Variants in UNC13C observed in about 807,000 individuals in gnomAD.
The protein encoded by UNC13C is protein unc-13 homolog C.
Under a neutral mutation model 245.4 loss-of-function variants are expected in UNC13C, and 174 were observed. The ratio of observed to expected loss-of-function variants is 0.71; its 90% CI spans 0.63 to 0.80. The LOEUF (loss-of-function observed/expected upper bound fraction) is 0.80, where lower values mean the gene tolerates loss of function less well. Among genes scored for constraint, UNC13C ranks in the 30% least tolerant of loss-of-function variants. UNC13C has a pLI of 0.00. For synonymous variants in UNC13C, 992 were observed against 895.1 expected (o/e 1.11, Z -1.93); for missense variants, 2,829 against 2,602.9 (o/e 1.09, Z -1.89).
At chr15:54,325,547 C>G (rs2038278084) in intron 14 of UNC13C, among the ~76,000 whole-genome samples, 1 of 152,016 alleles carries the variant, frequency 6.6e-6, no homozygotes, top group African/African-American at 2.4e-5. Flanking sequence ...TCTCCTAATG[C>G]TATCCCTCCC....
In UNC13C at chr15:54,434,200, T is replaced by C. The variant is rs140644656; in HGVS notation, c.4933+19133T>C. On this transcript the variant is annotated intron_variant, in intron 19 of 32. Coordinates refer to ENST00000260323, the MANE Select transcript of UNC13C (RefSeq NM_001080534.3). Reference sequence around the variant, plus strand: ...TCAATGCTATCCCCATCAGCTACCATTGACTTTCTTCACAGAATTCGAAAA... The same window carrying C: ...TCAATGCTATCCCCATCAGCTACCACTGACTTTCTTCACAGAATTCGAAAA... Among the ~76,000 whole-genome samples the C allele has an allele frequency of 1.1e-4, 17 of 152,106 alleles. No individual in the cohort carries two copies. The East Asian group carries it at 2.1e-3, about 19-fold the overall frequency.
At chr15:54,293,224 A>G (rs375434928) in intron 10 of UNC13C, among the ~76,000 whole-genome samples, 2 of 151,934 alleles carry the variant, frequency 1.3e-5, no homozygotes, top group African/African-American at 4.8e-5. Flanking sequence ...TTAACAGGCA[A>G]AGAAGCCTAG....
intron 2 of UNC13C, among the ~76,000 whole-genome samples, chr15:54,135,724 C>T (rs2031693216): frequency 6.6e-6 from 1 of 152,094 alleles, no homozygotes; most frequent in African/African-American, 2.4e-5. Flanking sequence ...AGCTTGAAAT[C>T]GGGACAAATC....
In UNC13C at chr15:54,015,540, T is replaced by A; in HGVS notation, c.2637T>A (p.Val879=). ...EPVADNETDY[V]EVMEQVLAKL... ...TGGCTGACAATGAAACAGATTATGT[T>A]GAAGTCATGGAACAAGTCCTTGCTA... is the stretch of plus-strand genomic sequence containing the variant. The change falls in exon 2 of 33, where the codon GTT becomes GTA. Residue 879 remains valine (V), a synonymous_variant. Transcript: ENST00000260323. 1 of 1,613,620 alleles carries A rather than the reference T, an allele frequency of 6.2e-7. No individual in the cohort carries two copies. The highest frequency in any genetic ancestry group is 8.5e-7 in the Non-Finnish European group (1 of 1,179,672).
Position 54,553,657 on chromosome 15 carries a change from A to T in UNC13C, c.5878-1775A>T, listed in dbSNP as rs369710319. Among the ~76,000 whole-genome samples the T allele has an allele frequency of 4.6e-5, 7 of 151,298 alleles. No individual in the cohort carries two copies. The South Asian group carries it at 6.2e-4, about 13-fold the overall frequency. On this transcript the variant is annotated intron_variant, in intron 28 of 32. Coordinates refer to ENST00000260323, the MANE Select transcript of UNC13C (RefSeq NM_001080534.3). ...ACACCTGAGACTCTGAGTTTACTGC[A>T]TGCTTTTTACTTGGGCAATAACTCA...
chr15:54,055,157 ATAAT>A (rs1897453916), intron 2 of UNC13C, among the ~76,000 whole-genome samples: 1 of 152,220 alleles, frequency 6.6e-6, no homozygotes, highest in African/African-American at 2.4e-5. Flanking sequence ...GCAATGCCAA[ATAAT>A]TGATTTATTA....
At chr15:54,585,445 C>G (rs909515933) in intron 30 of UNC13C, among the ~76,000 whole-genome samples, 1 of 152,170 alleles carries the variant, frequency 6.6e-6, no homozygotes, top group African/African-American at 2.4e-5. Context: ...GCTTCTTGGG[C>G]AGTCTGCACA....
the UNC13C span, among the ~76,000 whole-genome samples, chr15:53,925,647 C>T: frequency 6.6e-6 from 1 of 152,134 alleles, no homozygotes; most frequent in Non-Finnish European, 1.5e-5. Context: ...CATAGCTCTC[C>T]CCGTAAAATG....
intron 19 of UNC13C, among the ~76,000 whole-genome samples, chr15:54,417,804 TA>T (rs1173984911): frequency 3.3e-5 from 5 of 152,194 alleles, no homozygotes; most frequent in African/African-American, 7.2e-5. Flanking sequence ...TAAGGAGCAC[TA>T]AAGCAGTGTG....
At chr15:54,007,529 A>G (rs1895194752) in intron 1 of UNC13C, among the ~76,000 whole-genome samples, 2 of 152,170 alleles carry the variant, frequency 1.3e-5, no homozygotes, top group African/African-American at 2.4e-5. Flanking sequence ...CAAACACTGC[A>G]TCTTCTCACT....
chr15:54,493,195 T>C (rs1893800959), intron 19 of UNC13C, among the ~76,000 whole-genome samples: 1 of 152,218 alleles, frequency 6.6e-6, no homozygotes, highest in Admixed American at 6.5e-5. Context: ...ATTAGACATC[T>C]GAAGAAAGAC....
chr15:54,466,824 G>C (rs1380274947), intron 19 of UNC13C, among the ~76,000 whole-genome samples: 1 of 151,610 alleles, frequency 6.6e-6, no homozygotes. Context: ...TTCAAAAAGA[G>C]AAAAATGTAA....
At chr15:54,406,034 C>T (rs1372540274) in intron 18 of UNC13C, among the ~76,000 whole-genome samples, 1 of 152,032 alleles carries the variant, frequency 6.6e-6, no homozygotes. Flanking sequence ...TCCTCTGAGT[C>T]CTCAGCTGTA....
intron 2 of UNC13C, among the ~76,000 whole-genome samples, chr15:54,045,208 T>C (rs1896982741): frequency 5.9e-5 from 9 of 152,200 alleles, no homozygotes; most frequent in Admixed American, 5.9e-4. Flanking sequence ...AGTTTTCAGA[T>C]TTGTTTTGAG....
At chr15:54,184,439 C>T (rs996605089) in intron 4 of UNC13C, among the ~76,000 whole-genome samples, 1 of 151,932 alleles carries the variant, frequency 6.6e-6, no homozygotes, top group East Asian at 1.9e-4. Context: ...CACAACAGTC[C>T]CCGGTGTGTG....
intron 2 of UNC13C, among the ~76,000 whole-genome samples, chr15:54,077,567 C>T (rs7172540): frequency 0.47 from 70,800 of 151,008 alleles, 18,542 homozygotes; most frequent in Non-Finnish European, 0.6. Flanking sequence ...TTAGTATAGA[C>T]TGCATGTTGC....
At chr15:53,991,822 A>G (rs952789195) in intron 1 of UNC13C, among the ~76,000 whole-genome samples, 4 of 151,992 alleles carry the variant, frequency 2.6e-5, no homozygotes, top group African/African-American at 9.7e-5. Flanking sequence ...TGCCCTTGTT[A>G]TCAGAGCCTA....
At chr15:53,998,689 C>A (rs1894746025) in intron 1 of UNC13C, among the ~76,000 whole-genome samples, 1 of 151,932 alleles carries the variant, frequency 6.6e-6, no homozygotes, top group Non-Finnish European at 1.5e-5. Context: ...AAGCTTAATC[C>A]CTATCTAAGA....
chr15:54,469,108 T>C (rs1892322996), intron 19 of UNC13C, among the ~76,000 whole-genome samples: 1 of 151,588 alleles, frequency 6.6e-6, no homozygotes, highest in African/African-American at 2.4e-5. Context: ...CCAATTTCTT[T>C]TATCAATGTT....
Sources: gnomAD v4.1 joint callset for allele counts (sites outside exome capture counted in the v4.1 genomes callset) on GRCh38, gnomAD v4.1.1 for gene constraint, MANE v1.5 for transcripts, NCBI Gene and HGNC (gene_info 2026-07-23, HGNC 2026-07-21) for gene names.